The following HSF5 variants were observed in gnomAD, a reference collection of about 807,000 sequenced individuals.
HSF5 encodes the protein heat shock factor protein 5.
In HSF5, 5 loss-of-function variants were observed where a neutral mutation model predicts 50.8. The ratio of observed to expected loss-of-function variants is 0.10; its 90% CI spans 0.05 to 0.21. The LOEUF (loss-of-function observed/expected upper bound fraction) is 0.21, where lower values mean the gene tolerates loss of function less well. Ranked by LOEUF, HSF5 falls within the 10% of genes least tolerant of loss-of-function variation. The probability of loss-of-function intolerance (pLI) is 1.00; values close to 1 mark genes in which losing one functional copy is unlikely to be tolerated. For missense variants in HSF5, 564 were observed against 762.6 expected (o/e 0.74, Z 3.07); for synonymous variants, 307 against 307.4 (o/e 1.00, Z 0.02).
chr17:58,423,101 T>A lies in HSF5; in HGVS notation c.1721-671A>T, dbSNP rs145531361. Among the ~76,000 whole-genome samples, 825 of 152,064 alleles carry A rather than the reference T, an allele frequency of 5.4e-3. 3 individuals are homozygous for A. The highest frequency in any genetic ancestry group is 0.014 in the Middle Eastern group (4 of 294). On this transcript the variant is annotated intron_variant, in intron 5 of 5. Coordinates refer to ENST00000323777, the MANE Select transcript of HSF5 (RefSeq NM_001080439.3). ...ATTCATTTCCTTCATGCTGTAAGAGTAGGTGGGTGGGTTGTGGGAACATGA... is the reference window on the plus strand; with the variant it reads ...ATTCATTTCCTTCATGCTGTAAGAGAAGGTGGGTGGGTTGTGGGAACATGA...
At chr17:58,434,438 A>C (rs1974400715) in intron 5 of HSF5, among the ~76,000 whole-genome samples, 1 of 151,974 alleles carries the variant, frequency 6.6e-6, no homozygotes, top group African/African-American at 2.4e-5. Context: ...AATTCCAGCT[A>C]CTTGGGAAGA....
At chr17:58,422,744 G>A (rs1258700292) in intron 5 of HSF5, among the ~76,000 whole-genome samples, 1 of 148,480 alleles carries the variant, frequency 6.7e-6, no homozygotes, top group East Asian at 2.0e-4. Flanking sequence ...CGTCCAGGCT[G>A]GAGTACGGCG....
At chr17:58,472,864 G>T (rs1006895511) in intron 2 of HSF5, among the ~76,000 whole-genome samples, 2 of 152,290 alleles carry the variant, frequency 1.3e-5, no homozygotes, top group South Asian at 2.1e-4. Flanking sequence ...ACTCTGGTGA[G>T]TCAATAACCC....
chr17:58,428,406 T>A (rs908957878), intron 5 of HSF5, among the ~76,000 whole-genome samples: 4 of 152,118 alleles, frequency 2.6e-5, no homozygotes, highest in African/African-American at 9.7e-5. Flanking sequence ...ACGTCTGTAA[T>A]CCCAACACTT....
chr17:58,472,303 C>CT (rs1974958150), intron 2 of HSF5, among the ~76,000 whole-genome samples: 1 of 147,614 alleles, frequency 6.8e-6, no homozygotes, highest in South Asian at 2.3e-4. Flanking sequence ...CCTAGCTGTA[C>CT]CCCCCCCAAA....
In HSF5 at chr17:58,466,950, T is replaced by A. The variant is rs201379190; in HGVS notation, c.955A>T (p.Met319Leu). The change falls in exon 3 of 6, where the codon ATG (methionine) becomes TTG (leucine). Residue 319 changes from methionine to leucine, a missense_variant. Transcript: ENST00000323777. ...GTGACACAACTACTTAGAGCATCCA[T>A]GTGGGTAGGAGAACAGCACTGTAGC... Reference protein sequence around the residue: ...AVLQCCSPTHMDALSSCVTPT... With the variant: ...AVLQCCSPTHLDALSSCVTPT... 6.2e-7 allele frequency: 1 copy of A among 1,611,472 alleles called. No individual in the cohort carries two copies. The highest frequency in any genetic ancestry group is 1.7e-5 in the Admixed American group (1 of 59,994).
At chr17:58,427,456 C>A (rs1974310465) in intron 5 of HSF5, among the ~76,000 whole-genome samples, 1 of 152,066 alleles carries the variant, frequency 6.6e-6, no homozygotes, top group Non-Finnish European at 1.5e-5. Flanking sequence ...GATATTCCAA[C>A]AGTTAATGTC....
At chr17:58,430,299 T>C (rs1427514888) in intron 5 of HSF5, among the ~76,000 whole-genome samples, 1 of 152,184 alleles carries the variant, frequency 6.6e-6, no homozygotes, top group Non-Finnish European at 1.5e-5. Context: ...CTTGAACTCC[T>C]GACCTCAGAT....
chr17:58,456,180 C>CAA (rs1974711390), intron 5 of HSF5, among the ~76,000 whole-genome samples: 1 of 151,414 alleles, frequency 6.6e-6, no homozygotes, highest in Non-Finnish European at 1.5e-5. Context: ...CACACACACA[C>CAA]ACACACACAC....
At chr17:58,453,228 CACA>C (rs1974664442) in intron 5 of HSF5, among the ~76,000 whole-genome samples, 1 of 152,100 alleles carries the variant, frequency 6.6e-6, no homozygotes, top group South Asian at 2.1e-4. Context: ...CAGACAAAAA[CACA>C]ACAACAAAAA....
At chr17:58,425,556 C>T (rs1598178181) in intron 5 of HSF5, among the ~76,000 whole-genome samples, 1 of 82,912 alleles carries the variant, frequency 1.2e-5, no homozygotes, top group Admixed American at 2.0e-4. Flanking sequence ...GCCTGGGCAA[C>T]ATAGTAAGAC....
At chr17:58,457,722 A>G (rs1266470359) in intron 5 of HSF5, among the ~76,000 whole-genome samples, 1 of 152,270 alleles carries the variant, frequency 6.6e-6, no homozygotes, top group Non-Finnish European at 1.5e-5. Context: ...TGGCACAAAA[A>G]TGGATACGGT....
intron 1 of HSF5, among the ~76,000 whole-genome samples, chr17:58,486,850 C>T (rs1314071718): frequency 6.6e-6 from 1 of 151,488 alleles, no homozygotes; most frequent in Non-Finnish European, 1.5e-5. Context: ...CCACTGCAGG[C>T]ACCTTTTCCA....
At chr17:58,475,615 C>T (rs556169126) in intron 2 of HSF5, among the ~76,000 whole-genome samples, 2 of 152,286 alleles carry the variant, frequency 1.3e-5, no homozygotes, top group African/African-American at 4.8e-5. Flanking sequence ...CCCCCCCAAA[C>T]ATCTCAAACC....
At chr17:58,447,006 TC>T (rs999627499) in intron 5 of HSF5, among the ~76,000 whole-genome samples, 1 of 152,098 alleles carries the variant, frequency 6.6e-6, no homozygotes, top group Non-Finnish European at 1.5e-5. Context: ...ACGCCTGTAG[TC>T]CCAGCTACTT....
Position 58,463,118 on chromosome 17 carries a change from T to A in HSF5, c.1206A>T (p.Thr402=), listed in dbSNP as rs143065022. The A allele has an allele frequency of 7.2e-5, 117 of 1,614,232 alleles. No individual in the cohort carries two copies. In the African/African-American group the frequency reaches 1.4e-3, roughly 19 times the overall value. ...TGTGTTGGCCTCTGTAAGACGGAGA[T>A]GTTGGGCACTGATTCTCAACAGGCT... ...KVEPVENQCP[T]SPSYRGQHIL... The change falls in exon 4 of 6, where the codon ACA becomes ACT. Residue 402 remains threonine (T), a synonymous_variant. Transcript: ENST00000323777.
At chr17:58,436,834 C>T (rs1005905903) in intron 5 of HSF5, among the ~76,000 whole-genome samples, 2 of 151,284 alleles carry the variant, frequency 1.3e-5, no homozygotes, top group Admixed American at 6.6e-5. Flanking sequence ...AAAAAAAAAC[C>T]AACCATAACA....
In HSF5 at chr17:58,454,239, A is replaced by G. The variant is rs893541949; in HGVS notation, c.1720+4529T>C. Among the ~76,000 whole-genome samples the G allele has an allele frequency of 2.6e-5, 4 of 152,060 alleles. No individual in the cohort carries two copies. In the East Asian group the frequency reaches 7.7e-4, roughly 29 times the overall value. On this transcript the variant is annotated intron_variant, in intron 5 of 5. Coordinates refer to ENST00000323777, the MANE Select transcript of HSF5 (RefSeq NM_001080439.3). ...ATAAAAACAAAAACAAAAACAAAAC[A>G]AAACAAAAAATAAATAAAAAAATAA...
At chr17:58,477,009 C>T (rs1461897148) in intron 2 of HSF5, 3 of 576,848 alleles carry the variant, frequency 5.2e-6, no homozygotes, top group East Asian at 5.8e-5. Context: ...AGGCAGGCAG[C>T]TTCCCCCTCA....
Sources: gnomAD v4.1 joint callset for allele counts (sites outside exome capture counted in the v4.1 genomes callset) on GRCh38, gnomAD v4.1.1 for gene constraint, MANE v1.5 for transcripts, NCBI Gene and HGNC (gene_info 2026-07-23, HGNC 2026-07-21) for gene names.